The following KEAP1 variants were observed in gnomAD, a reference collection of about 807,000 sequenced individuals.
The protein encoded by KEAP1 is kelch like ECH associated protein 1, also known as kelch-like ECH-associated protein 1.
A neutral mutation model predicts 59.7 loss-of-function variants in KEAP1; 26 were observed. The ratio of observed to expected loss-of-function variants is 0.44; its 90% confidence interval spans 0.32 to 0.60. The LOEUF (loss-of-function observed/expected upper bound fraction) is 0.60. Ranked by LOEUF, KEAP1 falls within the 20% of genes least tolerant of loss-of-function variation. The probability of loss-of-function intolerance (pLI) is 0.06; values close to 1 mark genes in which losing one functional copy is unlikely to be tolerated. For synonymous variants in KEAP1, 350 were observed against 358.3 expected (o/e 0.98, Z 0.26); for missense variants, 539 against 871.4 (o/e 0.62, Z 4.80).
chr19:10,491,955 A>C lies in KEAP1; in HGVS notation c.947T>G (p.Val316Gly), dbSNP rs2144601337. 1 of 1,613,902 alleles carries C rather than the reference A, an allele frequency of 6.2e-7. No individual in the cohort carries two copies. Among genetic ancestry groups the C allele is most frequent in the African/African-American group, 1.3e-5 (1 of 75,058 alleles). ...EELTLHKPTQ[V>G]MPCRAPKVGR... Reference sequence around the variant, plus strand: ...CACCTTGGGCGCCCGGCAGGGCATCACCTGCGTGGGCTTGTGCAGGGTGAG... The same window carrying C: ...CACCTTGGGCGCCCGGCAGGGCATCCCCTGCGTGGGCTTGTGCAGGGTGAG... Residue 316 changes from valine to glycine, a missense_variant, in exon 3 of 6, where the codon GTG becomes GGG. By Grantham distance (109) the Val-to-Gly change is moderately radical. Around this residue, in one of 4 missense-constraint regions of KEAP1, gnomAD observed 61 missense variants for 129.9 expected, o/e 0.47. Coordinates refer to ENST00000171111, the MANE Select transcript of KEAP1 (RefSeq NM_203500.2). This position sits in a 1 kb window ranked among gnomAD's most constrained non-coding sequence, Gnocchi z 5.2.
chr19:10,488,222 G>A (rs562302328), intron 5 of KEAP1, among the ~76,000 whole-genome samples: 1 of 152,180 alleles, frequency 6.6e-6, no homozygotes, highest in Admixed American at 6.6e-5. Context: ...GGGAAGCAGA[G>A]GTTGCAGTGA....
At chr19:10,495,878 A>G (rs1914830895) in intron 2 of KEAP1, among the ~76,000 whole-genome samples, 1 of 152,182 alleles carries the variant, frequency 6.6e-6, no homozygotes, top group Non-Finnish European at 1.5e-5. Context: ...TAGGGTATAC[A>G]GAGCCCTGGA....
intron 5 of KEAP1, among the ~76,000 whole-genome samples, chr19:10,487,700 T>A (rs1914514233): frequency 6.7e-6 from 1 of 150,222 alleles, no homozygotes; most frequent in Admixed American, 6.7e-5. Context: ...AAAATAAAAA[T>A]AAAATAAAAT....
intron 5 of KEAP1, among the ~76,000 whole-genome samples, chr19:10,487,826 T>C (rs1438650922): frequency 6.6e-6 from 1 of 151,024 alleles, no homozygotes; most frequent in Non-Finnish European, 1.5e-5. Context: ...TGAAACCCCG[T>C]CTCTACTAAA....
intron 5 of KEAP1, among the ~76,000 whole-genome samples, 181 bp from the exon 6 acceptor site, chr19:10,486,999 C>G (rs1415554542): frequency 6.9e-6 from 1 of 145,712 alleles, no homozygotes; most frequent in South Asian, 2.1e-4. Flanking sequence ...GAGTTCGAAG[C>G]CAGCCTGGGC....
In KEAP1 at chr19:10,491,464, C is replaced by A; in HGVS notation, c.1325+113G>T. 1 of 913,392 alleles carries A rather than the reference C, an allele frequency of 1.1e-6. No individual in the cohort carries two copies. 56.6% of individuals were successfully genotyped at this position (913,392 alleles called of 1,614,324 possible). ...GCTTAGCTTCATCCTGAGGCCTCCA[C>A]TCCCTGAAGACAGGAAGAGGAAACA... On this transcript the variant is annotated intron_variant, in intron 3 of 5. Coordinates refer to ENST00000171111, the MANE Select transcript of KEAP1 (RefSeq NM_203500.2). This position sits in a 1 kb window ranked among gnomAD's most constrained non-coding sequence, Gnocchi z 5.2.
chr19:10,486,197 T>TCCATCCGGTGGGGAAGTG lies in KEAP1; in HGVS notation c.*437_*454dup, dbSNP rs1366997805. The TCCATCCGGTGGGGAAGTG allele has an allele frequency of 2.1e-5, 5 of 233,040 alleles. No homozygotes were observed. Among genetic ancestry groups the TCCATCCGGTGGGGAAGTG allele is most frequent in the Non-Finnish European group, 4.2e-5 (5 of 118,068 alleles). 14.4% of individuals were successfully genotyped at this position (233,040 alleles called of 1,614,324 possible). A position where few individuals can be genotyped will look rare whatever the true frequency, so the allele number is the denominator to read the frequency against. On this transcript the variant is annotated 3_prime_UTR_variant, in exon 6 of 6. Coordinates refer to ENST00000171111, the MANE Select transcript of KEAP1 (RefSeq NM_203500.2). Reference sequence around the variant, plus strand: ...GGGTTACTTATCAACAAAATAACTGTCCATCCGGTGGGGAAGTGCCATCCG... The same window carrying TCCATCCGGTGGGGAAGTG: ...GGGTTACTTATCAACAAAATAACTGTCCATCCGGTGGGGAAGTGCCATCCGGTGGGGAAGTGCCATCCG...
Position 10,486,558 on chromosome 19 carries a change from T to G in KEAP1, c.*94A>C. 1 of 1,247,736 alleles carries G rather than the reference T, an allele frequency of 8.0e-7. No individual in the cohort carries two copies. Among genetic ancestry groups the G allele is most frequent in the Non-Finnish European group, 1.1e-6 (1 of 877,154 alleles). 77.3% of individuals were successfully genotyped at this position (1,247,736 alleles called of 1,614,324 possible). ...CCTCCCTTCCCGGAAGATGGGTTAT[T>G]TGCAGTGCTGTCTTTTCTTTTAGTC... On this transcript the variant is annotated 3_prime_UTR_variant, in exon 6 of 6. Transcript: ENST00000171111.
Position 10,492,158 on chromosome 19 carries a change from G to C in KEAP1, c.744C>G (p.Ala248=), listed in dbSNP as rs377668786. The C allele has an allele frequency of 2.5e-6, 4 of 1,613,990 alleles. No individual in the cohort carries two copies. The highest frequency in any genetic ancestry group is 3.4e-6 in the Non-Finnish European group (4 of 1,180,050). ...AGTCGTACTTGACCCAGTTGATGCAGGCGTGGAAGACCTCGGACTCGCAGC... is the reference window on the plus strand; with the variant it reads ...AGTCGTACTTGACCCAGTTGATGCACGCGTGGAAGACCTCGGACTCGCAGC... ...NVRCESEVFH[A]CINWVKYDCE... is the part of the protein sequence containing the mutation. Residue 248 remains alanine (A), a synonymous_variant, in exon 3 of 6, where the codon GCC becomes GCG. Coordinates refer to ENST00000171111, the MANE Select transcript of KEAP1 (RefSeq NM_203500.2).
rs1914677230 is a variant in KEAP1, at chr19:10,491,697, T to C, written c.1205A>G (p.Gln402Arg). Residue 402 changes from glutamine (Q) to arginine (R), a missense_variant, in exon 3 of 6, where the codon CAG becomes CGG. Transcript: ENST00000171111. This position sits in a 1 kb window ranked among gnomAD's most constrained non-coding sequence, Gnocchi z 5.2. ...GCTCATGGGGGCGCAGGGCGACCAC[T>C]GATTGGTCATGGGGTTGTAACAGTC... ...ALDCYNPMTN[Q>R]WSPCAPMSVP... 1 of 1,569,690 alleles carries C rather than the reference T, an allele frequency of 6.4e-7. No individual in the cohort carries two copies. Among genetic ancestry groups the C allele is most frequent in the Non-Finnish European group, 8.6e-7 (1 of 1,158,652 alleles).
Position 10,489,717 on chromosome 19 carries a change from C to T in KEAP1, c.1462G>A (p.Glu488Lys), listed in dbSNP as rs2144589969. Residue 488 changes from glutamate to lysine, a missense_variant, in exon 4 of 6, where the codon GAG (glutamate) becomes AAG (lysine). Transcript: ENST00000171111. ...TCGTTCCTCTCTGGGTAGTAACACT[C>T]AGCTGAATTAAGGCGGTTTGTCCCG... ...FDGTNRLNSAECYYPERNEWR... is the reference protein window; with the variant it reads ...FDGTNRLNSAKCYYPERNEWR... The T allele has an allele frequency of 6.2e-7, 1 of 1,614,008 alleles. No individual in the cohort carries two copies. The highest frequency in any genetic ancestry group is 8.5e-7 in the Non-Finnish European group (1 of 1,180,020).
chr19:10,494,521 G>A (rs998540591), intron 2 of KEAP1, among the ~76,000 whole-genome samples: 3 of 150,930 alleles, frequency 2.0e-5, no homozygotes, highest in Admixed American at 1.3e-4. Context: ...ATTTTTAGTA[G>A]AGACGGGATT....
In KEAP1 at chr19:10,491,484, G is replaced by T. The variant is rs920366736; in HGVS notation, c.1325+93C>A. ...CTCCACTCCCTGAAGACAGGAAGAG[G>T]AAACAGCCTCAGGAAGAATACCCGG... On this transcript the variant is annotated intron_variant, in intron 3 of 5. Coordinates refer to ENST00000171111, the MANE Select transcript of KEAP1 (RefSeq NM_203500.2). This position sits in a 1 kb window ranked among gnomAD's most constrained non-coding sequence, Gnocchi z 5.2. 3 of 1,134,350 alleles carry T rather than the reference G, an allele frequency of 2.6e-6. No homozygotes were observed. The African/African-American group carries it at 4.7e-5, about 18-fold the overall frequency. The allele number at this position is 1,134,350 out of a possible 1,614,324, so 70.3% of individuals were successfully genotyped here. A position where few individuals can be genotyped will look rare whatever the true frequency, so the allele number is the denominator to read the frequency against.
rs964483185 is a variant in KEAP1, at chr19:10,503,110, C to T, written c.-48+131G>A. 3.3e-5 allele frequency: 5 copies of T among 152,206 alleles called. No individual in the cohort carries two copies. The highest frequency in any genetic ancestry group is 7.3e-5 in the Non-Finnish European group (5 of 68,090). 9.4% of individuals were successfully genotyped at this position (152,206 alleles called of 1,614,324 possible). A position where few individuals can be genotyped will look rare whatever the true frequency, so the allele number is the denominator to read the frequency against. On this transcript the variant is annotated intron_variant, in intron 1 of 5. Transcript: ENST00000171111. The surrounding 1 kb of genome is among the most constrained non-coding windows in gnomAD (Gnocchi z 4.3). Reference sequence around the variant, plus strand: ...GCGCTCACCTCAGCCCCCAGGTCGCCTCCGTAGGGGGTCCCTCGGGGTGGG... The same window carrying T: ...GCGCTCACCTCAGCCCCCAGGTCGCTTCCGTAGGGGGTCCCTCGGGGTGGG...
At chr19:10,490,196 G>A (rs995965673) in intron 3 of KEAP1, 6 of 266,102 alleles carry the variant, frequency 2.3e-5, no homozygotes, top group Non-Finnish European at 4.4e-5. Flanking sequence ...AGGTTGCAGC[G>A]AGCTGAGATC....
chr19:10,489,609 G>A, intron 4 of KEAP1, 39 bp downstream of exon 4: 1 of 1,601,078 alleles, frequency 6.2e-7, no homozygotes, highest in African/African-American at 1.3e-5. Flanking sequence ...ATGGTAGGGG[G>A]TGTTCCTGGG....
Position 10,499,357 on chromosome 19 carries a change from T to G in KEAP1, c.639+38A>C, listed in dbSNP as rs1024867949. On this transcript the variant is annotated intron_variant, in intron 2 of 5. Coordinates refer to ENST00000171111, the MANE Select transcript of KEAP1 (RefSeq NM_203500.2). This position sits in a 1 kb window ranked among gnomAD's most constrained non-coding sequence, Gnocchi z 6.7. The stretch of plus-strand genomic sequence containing the variant: ...TGAGCACTCGTCCATCCCTGGTCCT[T>G]CTCCTGACACTGCCCCCAGCCCCAC... 3 of 1,517,166 alleles carry G rather than the reference T, an allele frequency of 2.0e-6. No individual in the cohort carries two copies. The African/African-American group carries it at 4.1e-5, about 21-fold the overall frequency. 94.0% of individuals were successfully genotyped at this position (1,517,166 alleles called of 1,614,324 possible).
intron 2 of KEAP1, among the ~76,000 whole-genome samples, chr19:10,496,502 CAAAA>C (rs111471665): frequency 0.014 from 1,838 of 128,350 alleles, 30 homozygotes; most frequent in African/African-American, 0.031. Flanking sequence ...CCCCCACCCC[CAAAA>C]AAAAAAAAAA....
intron 2 of KEAP1, among the ~76,000 whole-genome samples, chr19:10,495,188 G>C (rs1335054640): frequency 6.6e-6 from 1 of 151,634 alleles, no homozygotes; most frequent in Non-Finnish European, 1.5e-5. Context: ...ACAGGGTCTT[G>C]CTCTGTCACC....
Sources: allele counts gnomAD v4.1 joint callset (sites outside exome capture counted in the v4.1 genomes callset), GRCh38; gene constraint gnomAD v4.1.1; regional missense constraint gnomAD v4.1.1; non-coding constraint Gnocchi (gnomAD v3.1); transcripts MANE v1.5; gene names NCBI Gene and HGNC (gene_info 2026-07-23, HGNC 2026-07-21).